DROSHA: variants seen among roughly 807,000 people sequenced by gnomAD.
The protein encoded by DROSHA is drosha ribonuclease III, also known as ribonuclease 3.
A neutral mutation model predicts 181.9 loss-of-function variants in DROSHA; 56 were observed. The observed-to-expected ratio is 0.31, with a 90% CI of 0.25 to 0.38. The LOEUF is 0.38. DROSHA is among the 10% of genes least tolerant of loss of function. The probability of loss-of-function intolerance (pLI) is 1.00; values close to 1 mark genes in which losing one functional copy is unlikely to be tolerated. For missense variants in DROSHA, 1,218 were observed against 1,743.5 expected, an observed-to-expected ratio of 0.70 and a Z score of 5.37; for synonymous variants, 524 against 591.2, an observed-to-expected ratio of 0.89 and a Z score of 1.65.
chr5:31,467,894 G>C, intron 18 of DROSHA, 45 bp downstream of exon 18: 1 of 1,597,800 alleles, frequency 6.3e-7, no homozygotes, highest in East Asian at 2.2e-5. Context: ...TTGGCTGTTA[G>C]TAGAAGGTGA....
intron 11 of DROSHA, 84 bp from the exon 12 acceptor site, chr5:31,495,456 A>T (rs1752872062): frequency 7.8e-7 from 1 of 1,287,180 alleles, no homozygotes; most frequent in African/African-American, 1.5e-5. Flanking sequence ...CTAGATTCAC[A>T]TCTAACAAAA....
At chr5:31,436,753 C>T (rs1282710189) in intron 24 of DROSHA, among the ~76,000 whole-genome samples, 2 of 64,612 alleles carry the variant, frequency 3.1e-5, no homozygotes, top group East Asian at 6.6e-4. Flanking sequence ...CACACACACA[C>T]ACACACACAC....
chr5:31,447,945 G>A (rs1011229403), intron 23 of DROSHA, among the ~76,000 whole-genome samples: 3 of 152,158 alleles, frequency 2.0e-5, no homozygotes, highest in African/African-American at 7.2e-5. Flanking sequence ...AAACAGTCTG[G>A]CAGTTCCTTA....
intron 13 of DROSHA, among the ~76,000 whole-genome samples, chr5:31,490,573 T>G (rs987869470): frequency 2.0e-5 from 3 of 152,218 alleles, no homozygotes; most frequent in East Asian, 3.8e-4. Flanking sequence ...TCTCCCAGAA[T>G]GCTCTATACT....
intron 23 of DROSHA, among the ~76,000 whole-genome samples, chr5:31,437,797 T>C (rs1745064272): frequency 6.6e-6 from 1 of 152,052 alleles, no homozygotes. Context: ...CCCTATCCTA[T>C]CTACTCATTG....
At chr5:31,403,292 T>A (rs901763734) in intron 35 of DROSHA, among the ~76,000 whole-genome samples, 2 of 152,208 alleles carry the variant, frequency 1.3e-5, no homozygotes, top group African/African-American at 4.8e-5. Flanking sequence ...CAAATTTGCA[T>A]TTGAAAAACA....
At chr5:31,417,393 T>G (rs1204102213) in intron 30 of DROSHA, among the ~76,000 whole-genome samples, 1 of 152,182 alleles carries the variant, frequency 6.6e-6, no homozygotes. Flanking sequence ...TGGGAGGTTT[T>G]GTGCAGAAGA....
chr5:31,451,415 T>A (rs1364639040), intron 21 of DROSHA, 118 bp downstream of exon 21: 1 of 838,548 alleles, frequency 1.2e-6, no homozygotes, highest in Admixed American at 2.4e-5. Flanking sequence ...GAGAGAACTA[T>A]GTTTCTAACA....
chr5:31,421,917 C>CGTGGGTGTGTGTGTGTGTGTGTGTGT (rs1742759735), intron 29 of DROSHA: 1 of 75,188 alleles, frequency 1.3e-5, no homozygotes. Context: ...AAAAATTAGC[C>CGTGGGTGTGTGTGTGTGTGTGTGTGT]GTGTGTGTGT....
chr5:31,502,008 T>C (rs1226604295), intron 11 of DROSHA, among the ~76,000 whole-genome samples: 1 of 152,188 alleles, frequency 6.6e-6, no homozygotes, highest in Non-Finnish European at 1.5e-5. Context: ...AGGAGTCCAG[T>C]GGTCTGGGGA....
rs1741058257 is a variant in DROSHA, at chr5:31,409,646, C to T, written c.3668-314G>A. ...AATGCTGAGCACCCAACCCTGTTCA[C>T]ATCAAATAAGTCAAAATATTACTTG... On this transcript the variant is annotated intron_variant, in intron 31 of 35. Transcript: ENST00000344624. This position sits in a 1 kb window ranked among gnomAD's most constrained non-coding sequence, Gnocchi z 4.0. 1 of 235,572 alleles carries T rather than the reference C, an allele frequency of 4.2e-6. No individual in the cohort carries two copies. Among genetic ancestry groups the T allele is most frequent in the Non-Finnish European group, 8.4e-6 (1 of 119,550 alleles). 14.6% of individuals were successfully genotyped at this position (235,572 alleles called of 1,614,324 possible).
At chr5:31,468,173 CCAAA>C in intron 17 of DROSHA, 110 bp from the exon 18 acceptor site, 1 of 1,304,460 alleles carries the variant, frequency 7.7e-7, no homozygotes, top group Non-Finnish European at 1.0e-6. Flanking sequence ...AGCCTTGTCC[CCAAA>C]GGGAAAAGGT....
intron 19 of DROSHA, 54 bp downstream of exon 19, chr5:31,466,128 A>G: frequency 6.4e-7 from 1 of 1,565,406 alleles, no homozygotes; most frequent in Non-Finnish European, 8.8e-7. Context: ...CAATCACGAA[A>G]TAAACCTGAA....
At chr5:31,506,542 G>T (rs976373836) in intron 10 of DROSHA, among the ~76,000 whole-genome samples, 2 of 151,944 alleles carry the variant, frequency 1.3e-5, no homozygotes, top group Non-Finnish European at 2.9e-5. Flanking sequence ...GCTGGGCGTG[G>T]TGGTGCAAGC....
intron 23 of DROSHA, among the ~76,000 whole-genome samples, chr5:31,440,811 G>T (rs1412590669): frequency 6.6e-6 from 1 of 152,038 alleles, no homozygotes; most frequent in Non-Finnish European, 1.5e-5. Context: ...ATTACCTTCA[G>T]GCTATGTGAG....
chr5:31,437,415 T>C (rs1022054677), intron 23 of DROSHA, 117 bp from the exon 24 acceptor site: 23 of 862,692 alleles, frequency 2.7e-5, no homozygotes, highest in Non-Finnish European at 4.0e-5. Flanking sequence ...CAAACCACCT[T>C]CCCTATTCCT....
chr5:31,447,943 T>C (rs1746507577), intron 23 of DROSHA, among the ~76,000 whole-genome samples: 1 of 152,220 alleles, frequency 6.6e-6, no homozygotes, highest in Non-Finnish European at 1.5e-5. Context: ...GAAAACAGTC[T>C]GGCAGTTCCT....
chr5:31,493,837 A>C (rs1370246660), intron 12 of DROSHA, among the ~76,000 whole-genome samples: 1 of 152,164 alleles, frequency 6.6e-6, no homozygotes, highest in Non-Finnish European at 1.5e-5. Context: ...ACAAGTTCAA[A>C]GGCCTTAATT....
intron 13 of DROSHA, among the ~76,000 whole-genome samples, chr5:31,487,504 G>C (rs1425012744): frequency 6.6e-6 from 1 of 152,166 alleles, no homozygotes; most frequent in Non-Finnish European, 1.5e-5. Flanking sequence ...CAGAGAATTG[G>C]CTGGCTAGCT....
Sources: allele counts gnomAD v4.1 joint callset (sites outside exome capture counted in the v4.1 genomes callset), GRCh38; gene constraint gnomAD v4.1.1; non-coding constraint Gnocchi (gnomAD v3.1); transcripts MANE v1.5; gene names NCBI Gene and HGNC (gene_info 2026-07-23, HGNC 2026-07-21).